Variants in ROBO1 observed in about 807,000 individuals in gnomAD.
ROBO1 encodes the protein roundabout guidance receptor 1.
ROBO1 carries 149 observed loss-of-function variants against 195.9 expected under a neutral mutation model. That is an observed-to-expected ratio of 0.76 (90% CI 0.67 to 0.87). The LOEUF (loss-of-function observed/expected upper bound fraction) is 0.87, where lower values mean the gene tolerates loss of function less well. Among genes scored for constraint, ROBO1 ranks in the 40% least tolerant of loss-of-function variants. ROBO1 has a pLI of 0.00. For missense variants in ROBO1, 1,933 were observed against 2,068.3 expected, an observed-to-expected ratio of 0.93 and a Z score of 1.27; for synonymous variants, 816 against 733.2, an observed-to-expected ratio of 1.11 and a Z score of -1.82.
chr3:79,017,632 T>C (rs1284803012), intron 3 of ROBO1, among the ~76,000 whole-genome samples: 1 of 152,148 alleles, frequency 6.6e-6, no homozygotes, highest in Non-Finnish European at 1.5e-5. Flanking sequence ...CAAGTGTAGA[T>C]ACAGTGTGTA....
intron 3 of ROBO1, among the ~76,000 whole-genome samples, chr3:79,074,527 T>G (rs2079139689): frequency 6.6e-6 from 1 of 151,794 alleles, no homozygotes; most frequent in Non-Finnish European, 1.5e-5. Flanking sequence ...TAAGTGATCC[T>G]CCCACCTCAG....
At chr3:79,137,092 G>C (rs531888408) in intron 2 of ROBO1, among the ~76,000 whole-genome samples, 1 of 151,962 alleles carries the variant, frequency 6.6e-6, no homozygotes, top group Non-Finnish European at 1.5e-5. Context: ...GTTTCTTTAC[G>C]TTTCTTTCAA....
At chr3:79,610,176 A>G (rs563133523) in intron 1 of ROBO1, among the ~76,000 whole-genome samples, 1 of 152,052 alleles carries the variant, frequency 6.6e-6, no homozygotes, top group South Asian at 2.1e-4. Context: ...TGGGGGATAC[A>G]TTCCAGGATC....
At chr3:79,004,105 AG>A (rs777649552) in intron 3 of ROBO1, among the ~76,000 whole-genome samples, 2 of 152,194 alleles carry the variant, frequency 1.3e-5, no homozygotes, top group Non-Finnish European at 2.9e-5. Flanking sequence ...TGTGAGATCC[AG>A]TACAAATATA....
chr3:79,563,214 A>T (rs775852586), intron 2 of ROBO1, among the ~76,000 whole-genome samples: 1 of 152,064 alleles, frequency 6.6e-6, no homozygotes, highest in Non-Finnish European at 1.5e-5. Flanking sequence ...TAGCACACAA[A>T]ACTACTTGAA....
At chr3:78,762,717 C>T (rs1225522134) in intron 4 of ROBO1, among the ~76,000 whole-genome samples, 1 of 151,980 alleles carries the variant, frequency 6.6e-6, no homozygotes, top group Non-Finnish European at 1.5e-5. Flanking sequence ...AAATCAGTTA[C>T]ATTTAATTTT....
intron 1 of ROBO1, among the ~76,000 whole-genome samples, chr3:79,598,727 G>A (rs1944253849): frequency 6.6e-6 from 1 of 151,756 alleles, no homozygotes; most frequent in Non-Finnish European, 1.5e-5. Context: ...TGAGATTCTG[G>A]GGCAAGCTTA....
chr3:78,942,937 G>A lies in ROBO1; in HGVS notation c.173-4010C>T, dbSNP rs572337327. Among the ~76,000 whole-genome samples the A allele has an allele frequency of 4.1e-4, 61 of 150,546 alleles. 1 individual carries two copies. In the East Asian group the frequency reaches 4.3e-3, roughly 11 times the overall value. On this transcript the variant is annotated intron_variant, in intron 3 of 30. Transcript: ENST00000464233. Reference sequence around the variant, plus strand: ...TAAAAAGTTTATTTTTTTTTTTGCCGGGTGCGGTGGGTCACGCCTGTAATC... The same window carrying A: ...TAAAAAGTTTATTTTTTTTTTTGCCAGGTGCGGTGGGTCACGCCTGTAATC...
At chr3:78,939,087 T>G (rs1423293396) in intron 3 of ROBO1, among the ~76,000 whole-genome samples, 160 bp from the exon 4 acceptor site, 1 of 152,212 alleles carries the variant, frequency 6.6e-6, no homozygotes, top group Non-Finnish European at 1.5e-5. Context: ...CCGCCTTGAC[T>G]ACACCTTCCA....
chr3:79,324,944 T>C (rs769626398), intron 2 of ROBO1, among the ~76,000 whole-genome samples: 10 of 152,016 alleles, frequency 6.6e-5, no homozygotes, highest in Non-Finnish European at 1.5e-4. Context: ...GAGTTGAGAG[T>C]TGATGGTTAC....
At chr3:78,857,178 A>C (rs1484202385) in intron 4 of ROBO1, among the ~76,000 whole-genome samples, 2 of 152,164 alleles carry the variant, frequency 1.3e-5, no homozygotes, top group East Asian at 3.8e-4. Context: ...TAATCATTAG[A>C]CAACAAATTT....
At chr3:78,808,236 G>A (rs978732611) in intron 4 of ROBO1, among the ~76,000 whole-genome samples, 8 of 151,894 alleles carry the variant, frequency 5.3e-5, no homozygotes, top group Non-Finnish European at 7.4e-5. Context: ...ACAGACTCTC[G>A]CTCGATTGCC....
intron 2 of ROBO1, among the ~76,000 whole-genome samples, chr3:79,315,508 A>C (rs1044359024): frequency 1.3e-5 from 2 of 152,176 alleles, no homozygotes; most frequent in Admixed American, 1.3e-4. Context: ...TTACTGACAC[A>C]AAGTGCTGTA....
chr3:79,065,386 G>T (rs1016202834), intron 3 of ROBO1, among the ~76,000 whole-genome samples: 6 of 151,696 alleles, frequency 4.0e-5, no homozygotes, highest in African/African-American at 1.2e-4. Context: ...CATTGAAAAG[G>T]CCTAGAAAAA....
intron 2 of ROBO1, among the ~76,000 whole-genome samples, chr3:79,582,814 T>G (rs1943701198): frequency 6.6e-6 from 1 of 152,030 alleles, no homozygotes; most frequent in East Asian, 1.9e-4. Context: ...ACCAACCAAA[T>G]AAGTTCTCAT....
At chr3:78,683,349 C>A (rs1270456114) in intron 10 of ROBO1, among the ~76,000 whole-genome samples, 1 of 151,930 alleles carries the variant, frequency 6.6e-6, no homozygotes, top group East Asian at 1.9e-4. Flanking sequence ...TAAATAAAAT[C>A]AAAATTAAAT....
At chr3:79,434,260 A>G (rs1317973596) in intron 2 of ROBO1, among the ~76,000 whole-genome samples, 5 of 152,338 alleles carry the variant, frequency 3.3e-5, no homozygotes, top group African/African-American at 1.2e-4. Flanking sequence ...AAAAGAAACT[A>G]TCATCAGAAT....
In ROBO1 at chr3:79,447,187, C is replaced by T. The variant is rs115500829; in HGVS notation, c.88+142637G>A. On this transcript the variant is annotated intron_variant, in intron 2 of 30. Coordinates refer to ENST00000464233, the MANE Select transcript of ROBO1 (RefSeq NM_002941.4). The stretch of plus-strand genomic sequence containing the variant: ...TGCGCCTGGCCCTAACACAGACAGA[C>T]TCGATTGCCTCTAAAAAGAAAGGCA... 8.6e-3 allele frequency among the ~76,000 whole-genome samples: 1,313 copies of T among 152,168 alleles called. 13 individuals carry two copies. The highest frequency in any genetic ancestry group is 0.012 in the Non-Finnish European group (799 of 67,998).
chr3:78,816,277 A>C (rs1456648066), intron 4 of ROBO1, among the ~76,000 whole-genome samples: 1 of 152,190 alleles, frequency 6.6e-6, no homozygotes, highest in Non-Finnish European at 1.5e-5. Context: ...AGAATGGTTT[A>C]CTATTATGGG....
Sources: allele counts gnomAD v4.1 joint callset (sites outside exome capture counted in the v4.1 genomes callset), GRCh38; gene constraint gnomAD v4.1.1; transcripts MANE v1.5; gene names NCBI Gene and HGNC (gene_info 2026-07-23, HGNC 2026-07-21).